Variants in CCDC88A observed in about 807,000 individuals in gnomAD.
The protein encoded by CCDC88A is coiled-coil and HOOK domain protein 88A.
In CCDC88A, 54 loss-of-function variants were observed where a neutral mutation model predicts 234.3. The observed-to-expected ratio is 0.23, with a 90% CI of 0.19 to 0.29. CCDC88A has a LOEUF of 0.29. Ranked by LOEUF, CCDC88A falls within the 10% of genes least tolerant of loss-of-function variation. CCDC88A has a pLI of 1.00. For missense variants in CCDC88A, 1,832 were observed against 2,123.4 expected (o/e 0.86, Z 2.70); for synonymous variants, 753 against 737.8 (o/e 1.02, Z -0.33).
Position 55,418,926 on chromosome 2 carries a change from A to T in CCDC88A, c.64-10T>A. The T allele has an allele frequency of 1.2e-6, 2 of 1,612,086 alleles. No homozygotes were observed. Among genetic ancestry groups the T allele is most frequent in the South Asian group, 2.2e-5 (2 of 91,018 alleles). On this transcript the variant is annotated splice_polypyrimidine_tract_variant and intron_variant, in intron 1 of 32. Coordinates refer to ENST00000436346, the MANE Select transcript of CCDC88A (RefSeq NM_001365480.1). Reference sequence around the variant, plus strand: ...GTCCAAACGTTTTAACCTAGAACAAACAGAAGGATCACCACGACATGAACG... The same window carrying T: ...GTCCAAACGTTTTAACCTAGAACAATCAGAAGGATCACCACGACATGAACG...
chr2:55,312,192 G>C (rs1682432698), intron 23 of CCDC88A, among the ~76,000 whole-genome samples: 1 of 151,970 alleles, frequency 6.6e-6, no homozygotes, highest in African/African-American at 2.4e-5. Flanking sequence ...TTCCATTATA[G>C]AATTACTGTA....
intron 5 of CCDC88A, among the ~76,000 whole-genome samples, chr2:55,368,039 C>G (rs1672277379): frequency 6.6e-6 from 1 of 152,174 alleles, no homozygotes; most frequent in South Asian, 2.1e-4. Flanking sequence ...CACTGCAAAA[C>G]TTTTTCTTCT....
chr2:55,391,870 T>C (rs761082311), intron 2 of CCDC88A, among the ~76,000 whole-genome samples: 7 of 152,220 alleles, frequency 4.6e-5, no homozygotes, highest in Non-Finnish European at 8.8e-5. Context: ...GGATGTTCTT[T>C]ATAGGAAATA....
intron 14 of CCDC88A, among the ~76,000 whole-genome samples, 175 bp downstream of exon 14, chr2:55,336,505 CT>C: frequency 6.6e-6 from 1 of 151,958 alleles, no homozygotes; most frequent in East Asian, 1.9e-4. Context: ...TTCTCTTCAA[CT>C]TTCCTAAGAC....
At chr2:55,361,538 C>T (rs1356347428) in intron 7 of CCDC88A, among the ~76,000 whole-genome samples, 1 of 152,116 alleles carries the variant, frequency 6.6e-6, no homozygotes, top group Non-Finnish European at 1.5e-5. Context: ...TAGGAATTTT[C>T]TCTATGTAGT....
Position 55,378,281 on chromosome 2 carries a change from T to C in CCDC88A, c.274-3398A>G, listed in dbSNP as rs549558525. Among the ~76,000 whole-genome samples, 21 of 152,326 alleles carry C rather than the reference T, an allele frequency of 1.4e-4. No individual in the cohort carries two copies. In the Middle Eastern group the frequency reaches 0.01, roughly 74 times the overall value. Reference sequence around the variant, plus strand: ...CTCACACACTCTTTACACCATATGGTATCACCAAAGACTTTTTGTTAATAC... The same window carrying C: ...CTCACACACTCTTTACACCATATGGCATCACCAAAGACTTTTTGTTAATAC... On this transcript the variant is annotated intron_variant, in intron 3 of 32. Coordinates refer to ENST00000436346, the MANE Select transcript of CCDC88A (RefSeq NM_001365480.1).
chr2:55,384,059 CAT>C lies in CCDC88A; in HGVS notation c.273+4717_273+4718del, dbSNP rs536487164. On this transcript the variant is annotated intron_variant, in intron 3 of 32. Coordinates refer to ENST00000436346, the MANE Select transcript of CCDC88A (RefSeq NM_001365480.1). Reference sequence around the variant, plus strand: ...TGTCTCAAAAAATTAAAAAATATAGCATAGTGACACACATGTGTAGTCCCAGC... The same window carrying C: ...TGTCTCAAAAAATTAAAAAATATAGCAGTGACACACATGTGTAGTCCCAGC... Among the ~76,000 whole-genome samples, 9 of 151,810 alleles carry C rather than the reference CAT, an allele frequency of 5.9e-5. No homozygotes were observed. In the South Asian group the frequency reaches 1.9e-3, roughly 32 times the overall value.
In CCDC88A at chr2:55,295,138, G is replaced by A. The variant is rs907415156; in HGVS notation, c.5551+459C>T. The A allele has an allele frequency of 3.8e-6, 5 of 1,306,276 alleles. No individual in the cohort carries two copies. The Admixed American group carries it at 1.1e-4, about 30-fold the overall frequency. 80.9% of individuals were successfully genotyped at this position (1,306,276 alleles called of 1,614,324 possible). A position where few individuals can be genotyped will look rare whatever the true frequency, so the allele number is the denominator to read the frequency against. On this transcript the variant is annotated intron_variant, in intron 31 of 32. Transcript: ENST00000436346. Reference sequence around the variant, plus strand: ...AACAATGCAGCTTCTGTGTCATCAGGATAGAGGCATGCAGAAGTGACAAGA... The same window carrying A: ...AACAATGCAGCTTCTGTGTCATCAGAATAGAGGCATGCAGAAGTGACAAGA...
chr2:55,415,565 T>C (rs1330168688), intron 2 of CCDC88A, among the ~76,000 whole-genome samples: 1 of 152,048 alleles, frequency 6.6e-6, no homozygotes, highest in Non-Finnish European at 1.5e-5. Flanking sequence ...CAGAGCACAA[T>C]GGTCTGAGCT....
intron 5 of CCDC88A, among the ~76,000 whole-genome samples, chr2:55,367,703 A>G (rs1379155992): frequency 6.6e-6 from 1 of 151,646 alleles, no homozygotes; most frequent in Non-Finnish European, 1.5e-5. Flanking sequence ...TATTTCTAAA[A>G]TGTTAACCTT....
chr2:55,351,313 T>C (rs1264841955), intron 8 of CCDC88A, among the ~76,000 whole-genome samples: 2 of 152,098 alleles, frequency 1.3e-5, no homozygotes, highest in Middle Eastern at 3.2e-3. Flanking sequence ...TCTGAACTGC[T>C]TGGGACCCAG....
chr2:55,392,395 G>A (rs937069947), intron 2 of CCDC88A, among the ~76,000 whole-genome samples: 3 of 152,094 alleles, frequency 2.0e-5, no homozygotes, highest in African/African-American at 7.2e-5. Flanking sequence ...GACTGAAATT[G>A]CACTCAATCT....
At chr2:55,412,376 T>C (rs1680648984) in intron 2 of CCDC88A, among the ~76,000 whole-genome samples, 1 of 152,196 alleles carries the variant, frequency 6.6e-6, no homozygotes, top group Non-Finnish European at 1.5e-5. Flanking sequence ...AGCAGGAGTC[T>C]CTAACCCCTG....
At chr2:55,355,928 T>C in intron 7 of CCDC88A, 177 bp from the exon 8 acceptor site, 1 of 481,128 alleles carries the variant, frequency 2.1e-6, no homozygotes, top group Non-Finnish European at 3.6e-6. Flanking sequence ...AGTTCATGCA[T>C]GGGCTACTTA....
intron 8 of CCDC88A, among the ~76,000 whole-genome samples, chr2:55,351,932 C>T (rs1558723317): frequency 6.6e-6 from 1 of 152,052 alleles, no homozygotes; most frequent in Non-Finnish European, 1.5e-5. Flanking sequence ...CATGGATGAA[C>T]CTGGAAAACG....
At chr2:55,296,755 G>T in intron 29 of CCDC88A, 2 of 519,462 alleles carry the variant, frequency 3.9e-6, no homozygotes, top group Non-Finnish European at 6.8e-6. Context: ...CTCCATAAGG[G>T]CAAAGACTTG....
intron 2 of CCDC88A, chr2:55,406,068 G>A (rs1044467943): frequency 6.6e-6 from 1 of 151,726 alleles, no homozygotes; most frequent in African/African-American, 2.4e-5. Context: ...TGAGGCAGGA[G>A]AATTGCTTGA....
At chr2:55,346,567 C>A (rs1025146050) in intron 9 of CCDC88A, among the ~76,000 whole-genome samples, 46 of 152,006 alleles carry the variant, frequency 3.0e-4, no homozygotes, top group African/African-American at 1.1e-3. Context: ...TTAAAAGCTC[C>A]CCCCACCATG....
At chr2:55,388,090 C>T (rs1224683405) in intron 3 of CCDC88A, among the ~76,000 whole-genome samples, 2 of 152,136 alleles carry the variant, frequency 1.3e-5, no homozygotes, top group South Asian at 2.1e-4. Flanking sequence ...CATACTTTTT[C>T]AAGCACACAT....
Sources: allele counts gnomAD v4.1 joint callset (sites outside exome capture counted in the v4.1 genomes callset), GRCh38; gene constraint gnomAD v4.1.1; transcripts MANE v1.5; gene names NCBI Gene and HGNC (gene_info 2026-07-23, HGNC 2026-07-21).